The following PEAK1 variants were observed in gnomAD, a reference collection of about 807,000 sequenced individuals.
The protein encoded by PEAK1 is pseudopodium enriched atypical kinase 1.
In PEAK1, 54 loss-of-function variants were observed where a neutral mutation model predicts 124.7. The ratio of observed to expected loss-of-function variants is 0.43; its 90% CI spans 0.35 to 0.54. The LOEUF (loss-of-function observed/expected upper bound fraction) is 0.54. Ranked by LOEUF, PEAK1 falls within the 20% of genes least tolerant of loss-of-function variation. The pLI, the probability that PEAK1 is intolerant of heterozygous loss-of-function variation, is 0.01. For missense variants in PEAK1, 2,046 were observed against 2,134.5 expected (o/e 0.96, Z 0.82); for synonymous variants, 719 against 760.0 (o/e 0.95, Z 0.89).
chr15:77,406,097 C>T (rs2071792702), intron 1 of PEAK1, among the ~76,000 whole-genome samples: 1 of 152,104 alleles, frequency 6.6e-6, no homozygotes, highest in South Asian at 2.1e-4. Flanking sequence ...TCTTTCTCAT[C>T]ACTCTTAGAT....
At chr15:77,240,952 A>T (rs2060329839) in intron 6 of PEAK1, among the ~76,000 whole-genome samples, 1 of 152,188 alleles carries the variant, frequency 6.6e-6, no homozygotes. Context: ...ATTTTATGAG[A>T]TCTGCTTCAC....
intron 6 of PEAK1, among the ~76,000 whole-genome samples, chr15:77,209,418 C>A (rs577728951): frequency 5.3e-5 from 8 of 152,234 alleles, no homozygotes; most frequent in African/African-American, 1.9e-4. Context: ...ATGGCAAGGG[C>A]ACTGAATCAA....
At chr15:77,417,902 A>C (rs897839062) in intron 1 of PEAK1, 12 of 983,450 alleles carry the variant, frequency 1.2e-5, no homozygotes, top group Non-Finnish European at 1.4e-5. Flanking sequence ...ACATGTATGC[A>C]AATAAGCAAA....
intron 6 of PEAK1, among the ~76,000 whole-genome samples, chr15:77,225,629 A>ATGTGTGTG (rs146458404): frequency 1.8e-3 from 203 of 115,778 alleles, no homozygotes; most frequent in African/African-American, 2.3e-3. Flanking sequence ...CTTTCTACAG[A>ATGTGTGTG]TGTGTGTGTG....
At position 77,147,986 on chromosome 15, in the gene PEAK1, A is replaced by C. The variant is rs561779263; in HGVS notation, c.3331+10517T>G. 6.6e-5 allele frequency among the ~76,000 whole-genome samples: 10 copies of C among 152,290 alleles called. No individual in the cohort carries two copies. The East Asian group carries it at 1.9e-3, about 29-fold the overall frequency. On this transcript the variant is annotated intron_variant, in intron 8 of 9. Coordinates refer to ENST00000682557, the MANE Select transcript of PEAK1 (RefSeq NM_001385026.1). ...GAGGAAGTGAATTTTTATTTTTATA[A>C]ATTTATATTTAAGAAGCCATATATG...
At chr15:77,268,325 T>C (rs1363112419) in intron 5 of PEAK1, among the ~76,000 whole-genome samples, 1 of 152,034 alleles carries the variant, frequency 6.6e-6, no homozygotes. Context: ...AATACACAAA[T>C]TAGCTGGGTG....
At chr15:77,352,672 G>C (rs1250307669) in intron 2 of PEAK1, 1 of 947,278 alleles carries the variant, frequency 1.1e-6, no homozygotes. Flanking sequence ...TTATGATATA[G>C]AGTATTAACC....
At chr15:77,193,685 T>A (rs2057961165) in intron 6 of PEAK1, among the ~76,000 whole-genome samples, 1 of 152,190 alleles carries the variant, frequency 6.6e-6, no homozygotes, top group South Asian at 2.1e-4. Context: ...GCGCTTGTAA[T>A]CCCAGCTACT....
chr15:77,418,565 G>T (rs55716459), intron 1 of PEAK1: 343,005 of 984,518 alleles, frequency 0.35, 62,437 homozygotes, highest in Non-Finnish European at 0.37. Flanking sequence ...CCAAGAAAAT[G>T]TACCATATCT....
chr15:77,393,236 C>A (rs2070625188), intron 1 of PEAK1, among the ~76,000 whole-genome samples: 1 of 152,162 alleles, frequency 6.6e-6, no homozygotes, highest in African/African-American at 2.4e-5. Context: ...TGGTGTGGTG[C>A]TGGGTTTGGA....
intron 5 of PEAK1, among the ~76,000 whole-genome samples, chr15:77,266,180 C>T (rs2061718011): frequency 6.6e-6 from 1 of 151,838 alleles, no homozygotes; most frequent in African/African-American, 2.4e-5. Flanking sequence ...TGCAGCGCAC[C>T]AGCATGTCAC....
At chr15:77,121,774 C>T (rs2152723517) in intron 9 of PEAK1, among the ~76,000 whole-genome samples, 1 of 152,326 alleles carries the variant, frequency 6.6e-6, no homozygotes, top group South Asian at 2.1e-4. Flanking sequence ...ATTTCCATCT[C>T]ACTCTATGCA....
intron 9 of PEAK1, among the ~76,000 whole-genome samples, chr15:77,130,222 T>C (rs1176649282): frequency 6.6e-6 from 1 of 152,212 alleles, no homozygotes; most frequent in Non-Finnish European, 1.5e-5. Context: ...TAGTTCAATG[T>C]CCCTTTCTGA....
chr15:77,146,657 A>T (rs2054199621), intron 8 of PEAK1, among the ~76,000 whole-genome samples: 1 of 152,252 alleles, frequency 6.6e-6, no homozygotes, highest in Non-Finnish European at 1.5e-5. Context: ...ACAACTGCTC[A>T]AACAAATGTT....
intron 2 of PEAK1, among the ~76,000 whole-genome samples, chr15:77,315,474 T>C (rs2064811255): frequency 6.6e-6 from 1 of 152,158 alleles, no homozygotes; most frequent in Non-Finnish European, 1.5e-5. Flanking sequence ...AGTAAAAATA[T>C]TGGAATATTT....
intron 2 of PEAK1, among the ~76,000 whole-genome samples, chr15:77,307,505 TTCC>T (rs1234304825): frequency 6.6e-6 from 1 of 152,084 alleles, no homozygotes; most frequent in Non-Finnish European, 1.5e-5. Context: ...CACAAAAGCC[TTCC>T]CTTAGCTTCC....
At chr15:77,335,629 C>G in intron 2 of PEAK1, 1 of 621,826 alleles carries the variant, frequency 1.6e-6, no homozygotes, top group Non-Finnish European at 2.0e-6. Context: ...CAGGCGTGCA[C>G]TACCACATGC....
intron 8 of PEAK1, among the ~76,000 whole-genome samples, chr15:77,150,700 C>T (rs1379753619): frequency 7.8e-6 from 1 of 127,464 alleles, no homozygotes; most frequent in Non-Finnish European, 1.6e-5. Flanking sequence ...GTGTGATGTT[C>T]CCCTTCCTGT....
chr15:77,291,202 A>T (rs1364920682), intron 2 of PEAK1, among the ~76,000 whole-genome samples: 2 of 152,206 alleles, frequency 1.3e-5, no homozygotes, highest in Non-Finnish European at 2.9e-5. Context: ...CATAACACTG[A>T]TATGTCAGAA....
Sources: allele counts gnomAD v4.1 joint callset (sites outside exome capture counted in the v4.1 genomes callset), GRCh38; gene constraint gnomAD v4.1.1; transcripts MANE v1.5; gene names NCBI Gene and HGNC (gene_info 2026-07-23, HGNC 2026-07-21).